ALMS1: variants seen among roughly 807,000 people sequenced by gnomAD.
ALMS1 encodes the protein ALMS1 centrosome and basal body associated protein.
Under a neutral mutation model 352.2 loss-of-function variants are expected in ALMS1, and 271 were observed. That is an observed-to-expected ratio of 0.77 (90% CI 0.70 to 0.85). The LOEUF is 0.85. Ranked by LOEUF, ALMS1 falls within the 40% of genes least tolerant of loss-of-function variation. The probability of loss-of-function intolerance (pLI) is 0.00; values close to 1 mark genes in which losing one functional copy is unlikely to be tolerated. For synonymous variants in ALMS1, 1,865 were observed against 1,761.2 expected (o/e 1.06, Z -1.48); for missense variants, 5,445 against 4,870.7 (o/e 1.12, Z -3.51).
rs755981991 is a variant in ALMS1, at chr2:73,451,269, A to G, written c.4742A>G (p.Tyr1581Cys). 4 of 1,614,016 alleles carry G rather than the reference A, an allele frequency of 2.5e-6. No homozygotes were observed. In the Admixed American group the frequency reaches 5.0e-5, roughly 20 times the overall value. Residue 1581 changes from tyrosine to cysteine, a missense_variant, in exon 8 of 23, where the codon TAC (tyrosine) becomes TGC (cysteine). Tyr to Cys is a radical substitution (Grantham distance 194). Coordinates refer to ENST00000613296, the MANE Select transcript of ALMS1 (RefSeq NM_001378454.1). ...TTTGGAGAGAAGCCGATTGTTAACT[A>G]CAAACAGGCCTTTCCAGATGGTCAT... is the stretch of plus-strand genomic sequence containing the variant. ...YSFGEKPIVNYKQAFPDGHLP... is the reference protein window; with the variant it reads ...YSFGEKPIVNCKQAFPDGHLP...
In ALMS1 at chr2:73,432,283, TAAAAGC is replaced by T. The variant is rs1553401631; in HGVS notation, c.1426_1431del (p.Lys476_Ala477del). On this transcript the variant is annotated inframe_deletion and splice_region_variant, in exon 7 of 23. Transcript: ENST00000613296. Reference sequence around the variant, plus strand: ...ACTGTGCCAAAGGCTCCTAAACATTTAAAAGCAGGTACGTAGAAAAAGGAGATAGTA... The same window carrying T: ...ACTGTGCCAAAGGCTCCTAAACATTTAGGTACGTAGAAAAAGGAGATAGTA... 6.2e-7 allele frequency: 1 copy of T among 1,608,398 alleles called. No individual in the cohort carries two copies. Among genetic ancestry groups the T allele is most frequent in the Non-Finnish European group, 8.5e-7 (1 of 1,174,942 alleles).
In ALMS1 at chr2:73,449,113, A is replaced by G. The variant is rs761544791; in HGVS notation, c.2586A>G (p.Ser862=). 1 of 1,614,020 alleles carries G rather than the reference A, an allele frequency of 6.2e-7. No homozygotes were observed. Among genetic ancestry groups the G allele is most frequent in the Admixed American group, 1.7e-5 (1 of 59,990 alleles). ...CCTCTACTTCCTCTGCGTCCTCTTC[A>G]CTTGGAGAAAAGCCCAGTGCTTTCT... ...AVTSTSSASS[S]LGEKPSAFYQ... Residue 862 remains serine, a synonymous_variant, in exon 8 of 23, where the codon TCA becomes TCG. Transcript: ENST00000613296.
intron 16 of ALMS1, among the ~76,000 whole-genome samples, chr2:73,584,972 G>T (rs1451071635): frequency 6.6e-6 from 1 of 152,086 alleles, no homozygotes; most frequent in Non-Finnish European, 1.5e-5. Flanking sequence ...CCTTTTTATG[G>T]CTGAGTAGTA....
chr2:73,441,209 G>A (rs886497784), intron 7 of ALMS1, among the ~76,000 whole-genome samples: 4 of 152,150 alleles, frequency 2.6e-5, no homozygotes, highest in African/African-American at 4.8e-5. Flanking sequence ...AGGATGCTGG[G>A]CCCCTGCGAT....
intron 16 of ALMS1, among the ~76,000 whole-genome samples, chr2:73,577,750 A>C (rs1160104792): frequency 6.6e-6 from 1 of 152,158 alleles, no homozygotes. Context: ...GTTTTACTCC[A>C]TTGTGATCAG....
rs375314465 is a variant in ALMS1 at position 73,602,321 on chromosome 2, G to A, written c.12251G>A (p.Arg4084Lys). The part of the protein sequence containing the change: ...TERDALFNID[R>K]ERQGHQNRMC... ...CGGGATGCACTATTCAACATTGACAGGGAACGGCAGGGCCACCAGAATCGC... is the reference window on the plus strand; with the variant it reads ...CGGGATGCACTATTCAACATTGACAAGGAACGGCAGGGCCACCAGAATCGC... Residue 4084 changes from arginine to lysine, a missense_variant, in exon 20 of 23, where the codon AGG becomes AAG. Coordinates refer to ENST00000613296, the MANE Select transcript of ALMS1 (RefSeq NM_001378454.1). 1.2e-6 allele frequency: 2 copies of A among 1,614,198 alleles called. No individual in the cohort carries two copies. The highest frequency in any genetic ancestry group is 1.7e-6 in the Non-Finnish European group (2 of 1,180,030).
In ALMS1 at chr2:73,421,859, C is replaced by T. The variant is rs138820834; in HGVS notation, c.647-998C>T. 5.8e-3 allele frequency among the ~76,000 whole-genome samples: 884 copies of T among 152,206 alleles called. 10 individuals carry two copies. Among genetic ancestry groups the T allele is most frequent in the Middle Eastern group, 0.037 (11 of 294 alleles). ...AACAGTAATGTGAGAGAGGAGTCCT[C>T]ACTTTGTACACAGTGTTGCAGGCAT... On this transcript the variant is annotated intron_variant, in intron 3 of 22. Transcript: ENST00000613296.
chr2:73,483,592 C>A, intron 9 of ALMS1, among the ~76,000 whole-genome samples: 1 of 151,626 alleles, frequency 6.6e-6, no homozygotes, highest in African/African-American at 2.4e-5. Flanking sequence ...ATTAGGTCCA[C>A]TTGGTGCAGA....
chr2:73,477,367 G>T (rs988121549), intron 9 of ALMS1, among the ~76,000 whole-genome samples: 2 of 151,980 alleles, frequency 1.3e-5, no homozygotes, highest in African/African-American at 4.8e-5. Flanking sequence ...TGCCAGCACT[G>T]TGCTGTCTTG....
At chr2:73,498,105 C>A (rs1347703675) in intron 10 of ALMS1, among the ~76,000 whole-genome samples, 1 of 151,998 alleles carries the variant, frequency 6.6e-6, no homozygotes, top group Non-Finnish European at 1.5e-5. Context: ...AAAGTACATA[C>A]CTTAATTTAA....
intron 10 of ALMS1, among the ~76,000 whole-genome samples, chr2:73,513,331 G>A (rs1673490982): frequency 6.6e-6 from 1 of 152,056 alleles, no homozygotes; most frequent in Non-Finnish European, 1.5e-5. Context: ...CGTAGGTTCT[G>A]ACTCCCCATG....
Position 73,449,029 on chromosome 2 carries a change from T to C in ALMS1, c.2502T>C (p.Ala834=), listed in dbSNP as rs761599987. 5.6e-6 allele frequency: 9 copies of C among 1,613,966 alleles called. No homozygotes were observed. The African/African-American group carries it at 1.2e-4, about 22-fold the overall frequency. The change falls in exon 8 of 23, where the codon GCT becomes GCC. Residue 834 remains alanine, a synonymous_variant. Transcript: ENST00000613296. ...ALLDSHLPEE[A]LKVSAVSGPA... is the part of the protein sequence containing the mutation. ...TGGACAGCCATCTACCCGAAGAGGC[T>C]CTGAAAGTTTCAGCTGTTTCTGGAC...
chr2:73,386,715 G>A (rs911946552), intron 1 of ALMS1, among the ~76,000 whole-genome samples: 6 of 152,100 alleles, frequency 3.9e-5, no homozygotes, highest in Admixed American at 6.5e-5. Context: ...GGGTTCCCCA[G>A]CCGATAGGAG....
At chr2:73,463,877 C>A (rs1174940495) in intron 9 of ALMS1, among the ~76,000 whole-genome samples, 1 of 151,252 alleles carries the variant, frequency 6.6e-6, no homozygotes, top group South Asian at 2.1e-4. Flanking sequence ...ACACATACAC[C>A]CTCCCAAGAC....
chr2:73,404,283 T>C (rs1024963236), intron 1 of ALMS1, among the ~76,000 whole-genome samples: 2 of 152,188 alleles, frequency 1.3e-5, no homozygotes, highest in African/African-American at 2.4e-5. Context: ...TTCTTTTTCT[T>C]GCCTAATCGC....
At chr2:73,533,098 T>C (rs1489254411) in intron 11 of ALMS1, among the ~76,000 whole-genome samples, 5 of 152,166 alleles carry the variant, frequency 3.3e-5, no homozygotes, top group Non-Finnish European at 7.4e-5. Context: ...AGTATCCAGG[T>C]TGCAAGAGAA....
At chr2:73,603,455 A>G (rs1442562255) in intron 21 of ALMS1, 151 bp downstream of exon 21, 296 of 183,990 alleles carry the variant, frequency 1.6e-3, no homozygotes, top group Non-Finnish European at 2.0e-3. Flanking sequence ...TATGGCACTG[A>G]AAAAAAAAAA....
chr2:73,464,159 C>T (rs960027063), intron 9 of ALMS1, among the ~76,000 whole-genome samples: 1 of 152,140 alleles, frequency 6.6e-6, no homozygotes, highest in Non-Finnish European at 1.5e-5. Context: ...GAATTTTAGA[C>T]CAATATCCCT....
chr2:73,444,677 C>CAT (rs1342216314), intron 7 of ALMS1, among the ~76,000 whole-genome samples: 2 of 152,080 alleles, frequency 1.3e-5, no homozygotes, highest in African/African-American at 4.8e-5. Flanking sequence ...ATTTAAATGG[C>CAT]ATACATTTAT....
Sources: allele counts gnomAD v4.1 joint callset (sites outside exome capture counted in the v4.1 genomes callset), GRCh38; gene constraint gnomAD v4.1.1; transcripts MANE v1.5; gene names NCBI Gene and HGNC (gene_info 2026-07-23, HGNC 2026-07-21).